CNIH3: variants seen among roughly 807,000 people sequenced by gnomAD.
CNIH3 encodes protein cornichon homolog 3.
In CNIH3, 14 loss-of-function variants were observed where a neutral mutation model predicts 24.1. The ratio of observed to expected loss-of-function variants is 0.58; its 90% CI spans 0.38 to 0.91. CNIH3 has a LOEUF of 0.91. Ranked by LOEUF, CNIH3 falls within the 40% of genes least tolerant of loss-of-function variation. CNIH3 has a pLI of 0.00. For missense variants in CNIH3, 178 were observed against 196.8 expected, an observed-to-expected ratio of 0.90 and a Z score of 0.57; for synonymous variants, 68 against 73.8, an observed-to-expected ratio of 0.92 and a Z score of 0.40.
upstream of CNIH3, among the ~76,000 whole-genome samples, chr1:224,511,735 T>C (rs1334006988): frequency 1.3e-5 from 2 of 152,052 alleles, no homozygotes; most frequent in Non-Finnish European, 2.9e-5. Context: ...ACACCTGTAG[T>C]CCCAGTTATT....
chr1:224,454,175 T>C, intron 1 of CNIH3: 1 of 418,334 alleles, frequency 2.4e-6, no homozygotes, highest in Non-Finnish European at 3.2e-6. Flanking sequence ...CCCTTACTCA[T>C]GGTTCCTTGA....
chr1:224,569,099 C>G (rs1299694246), intron 4 of CNIH3, among the ~76,000 whole-genome samples: 4 of 152,210 alleles, frequency 2.6e-5, no homozygotes, highest in African/African-American at 9.6e-5. Context: ...AACTCCCAAC[C>G]TCAGGTGATC....
rs569130581 is a variant in CNIH3 at position 224,607,453 on chromosome 1, C to G, written n.402+41189C>G. Among the ~76,000 whole-genome samples the G allele has an allele frequency of 1.3e-4, 20 of 152,240 alleles. No individual in the cohort carries two copies. The South Asian group carries it at 3.7e-3, about 28-fold the overall frequency. On this transcript the variant is annotated intron_variant and non_coding_transcript_variant, in intron 3 of 7. Transcript: ENST00000478120. The stretch of plus-strand genomic sequence containing the variant: ...GGCAAGCGGTTGCATTCCTTTGAGT[C>G]TTTTGATTAGCTTTACTGAATCTAC...
chr1:224,566,249 C>G (rs1248074878), exon 4 of CNIH3: 1 of 152,030 alleles, frequency 6.6e-6, no homozygotes, highest in Non-Finnish European at 1.5e-5. Context: ...AGTGCCAGAG[C>G]CTTTATTACT....
intron 1 of CNIH3, among the ~76,000 whole-genome samples, chr1:224,468,120 A>G (rs1277094736): frequency 6.6e-6 from 1 of 152,192 alleles, no homozygotes; most frequent in Non-Finnish European, 1.5e-5. Flanking sequence ...AACATTGGGT[A>G]GAATGATTCT....
chr1:224,725,691 G>A (rs1688987168), intron 3 of CNIH3, among the ~76,000 whole-genome samples: 1 of 152,188 alleles, frequency 6.6e-6, no homozygotes, highest in South Asian at 2.1e-4. Flanking sequence ...ATGAGAGCCA[G>A]GAGCAGACGG....
At position 224,696,443 on chromosome 1, in the gene CNIH3, C is replaced by T. The variant is rs996910440; in HGVS notation, c.198+11600C>T. ...AAATGGGAGTGAGGACTTAGGAGGACGGCTGCAGATCTCTGTCTCATGGAG... is the reference window on the plus strand; with the variant it reads ...AAATGGGAGTGAGGACTTAGGAGGATGGCTGCAGATCTCTGTCTCATGGAG... On this transcript the variant is annotated intron_variant, in intron 3 of 5. Transcript: ENST00000272133. Among the ~76,000 whole-genome samples, 84 of 152,166 alleles carry T rather than the reference C, an allele frequency of 5.5e-4. 2 individuals are homozygous for T. The highest frequency in any genetic ancestry group is 1.9e-3 in the African/African-American group (80 of 41,440).
intron 3 of CNIH3, among the ~76,000 whole-genome samples, chr1:224,709,228 C>T (rs1248722689): frequency 1.3e-5 from 2 of 152,140 alleles, no homozygotes; most frequent in African/African-American, 4.8e-5. Context: ...CATCGTTCAT[C>T]TTCTAGCGGC....
chr1:224,626,834 GC>G (rs1683558807), intron 1 of CNIH3, among the ~76,000 whole-genome samples: 1 of 152,202 alleles, frequency 6.6e-6, no homozygotes, highest in African/African-American at 2.4e-5. Flanking sequence ...CTTTCTACAA[GC>G]AGAGCCTTCT....
intron 1 of CNIH3, among the ~76,000 whole-genome samples, chr1:224,658,644 GA>G (rs1375645342): frequency 6.7e-6 from 1 of 149,250 alleles, no homozygotes; most frequent in Non-Finnish European, 1.5e-5. Context: ...TTTACTTTTT[GA>G]TAGGAAATCC....
intron 1 of CNIH3, among the ~76,000 whole-genome samples, chr1:224,679,363 TA>T (rs1182060085): frequency 6.6e-6 from 1 of 151,990 alleles, no homozygotes; most frequent in Non-Finnish European, 1.5e-5. Context: ...AAACAAAAAC[TA>T]AAAAACAAAC....
chr1:224,479,933 A>T (rs1251829779), intron 1 of CNIH3, among the ~76,000 whole-genome samples: 1 of 151,966 alleles, frequency 6.6e-6, no homozygotes, highest in Non-Finnish European at 1.5e-5. Flanking sequence ...TATTTTCACA[A>T]CTTCACTAGG....
At chr1:224,671,630 G>T (rs144449317) in intron 1 of CNIH3, among the ~76,000 whole-genome samples, 1 of 152,202 alleles carries the variant, frequency 6.6e-6, no homozygotes, top group Non-Finnish European at 1.5e-5. Flanking sequence ...TGCAAAGTGG[G>T]TGTCACATCA....
chr1:224,532,462 A>T (rs987871674), intron 2 of CNIH3, among the ~76,000 whole-genome samples: 15 of 152,172 alleles, frequency 9.9e-5, no homozygotes, highest in African/African-American at 3.4e-4. Context: ...GGCAAAGTGG[A>T]AGCAGCACCA....
chr1:224,657,758 C>T (rs190704779), intron 1 of CNIH3, among the ~76,000 whole-genome samples: 2 of 152,204 alleles, frequency 1.3e-5, no homozygotes, highest in East Asian at 1.9e-4. Context: ...TTTTCATGAA[C>T]TCCCCTAAAG....
intron 1 of CNIH3, among the ~76,000 whole-genome samples, chr1:224,443,855 T>G (rs1464077589): frequency 6.6e-6 from 1 of 152,164 alleles, no homozygotes; most frequent in African/African-American, 2.4e-5. Flanking sequence ...CCCTATAGCC[T>G]AGGGATTCAG....
chr1:224,730,968 C>A (rs534597671), intron 4 of CNIH3, among the ~76,000 whole-genome samples: 1 of 151,850 alleles, frequency 6.6e-6, no homozygotes, highest in East Asian at 1.9e-4. Context: ...AACATGAAGC[C>A]CTAAAGAAAG....
At chr1:224,697,669 A>G (rs139067332) in intron 3 of CNIH3, among the ~76,000 whole-genome samples, 4 of 152,238 alleles carry the variant, frequency 2.6e-5, no homozygotes, top group Non-Finnish European at 5.9e-5. Context: ...TGAGAAGTAA[A>G]GATTCTGTTT....
chr1:224,616,765 A>C lies in CNIH3; in HGVS notation c.-410A>C. The C allele has an allele frequency of 9.8e-7, 1 of 1,021,250 alleles. No homozygotes were observed. Among genetic ancestry groups the C allele is most frequent in the Non-Finnish European group, 1.2e-6 (1 of 853,468 alleles). 63.3% of individuals were successfully genotyped at this position (1,021,250 alleles called of 1,614,324 possible). On this transcript the variant is annotated 5_prime_UTR_variant, in exon 1 of 6. Transcript: ENST00000272133. ...CTCTCCTCAGCGGTTTAGTGGAGAA[A>C]AGCAGAGAGCTCTTCCTGGGGCGAA... is the stretch of plus-strand genomic sequence containing the variant.
Sources: allele counts gnomAD v4.1 joint callset (sites outside exome capture counted in the v4.1 genomes callset), GRCh38; gene constraint gnomAD v4.1.1; transcripts MANE v1.5; gene names NCBI Gene and HGNC (gene_info 2026-07-23, HGNC 2026-07-21).